The following ITPR2 variants were observed in gnomAD, a reference collection of about 807,000 sequenced individuals.
ITPR2 encodes the protein inositol 1,4,5-trisphosphate receptor type 2.
ITPR2 carries 207 observed loss-of-function variants against 317.1 expected under a neutral mutation model. The ratio of observed to expected loss-of-function variants is 0.65; its 90% confidence interval spans 0.58 to 0.73. ITPR2 has a LOEUF of 0.73. Ranked by LOEUF, ITPR2 falls within the 30% of genes least tolerant of loss-of-function variation. ITPR2 has a pLI of 0.00. For missense variants in ITPR2, 2,613 were observed against 3,284.0 expected (o/e 0.80, Z 4.99); for synonymous variants, 1,156 against 1,149.1 (o/e 1.01, Z -0.12).
intron 15 of ITPR2, among the ~76,000 whole-genome samples, chr12:26,661,188 T>C (rs541705012): frequency 6.7e-6 from 1 of 148,794 alleles, no homozygotes; most frequent in South Asian, 2.1e-4. Flanking sequence ...TCTAACTCTA[T>C]GCTCCAAAGA....
intron 32 of ITPR2, among the ~76,000 whole-genome samples, chr12:26,593,219 T>C (rs535098827): frequency 6.6e-6 from 1 of 152,292 alleles, no homozygotes; most frequent in South Asian, 2.1e-4. Flanking sequence ...ACTTAGGAAT[T>C]TGTTAAAAAT....
chr12:26,660,898 C>T (rs981544132), intron 15 of ITPR2, among the ~76,000 whole-genome samples: 4 of 151,582 alleles, frequency 2.6e-5, no homozygotes, highest in Non-Finnish European at 5.9e-5. Context: ...ATTAGGACTA[C>T]AACATATAGG....
intron 26 of ITPR2, among the ~76,000 whole-genome samples, chr12:26,606,122 C>T (rs528644305): frequency 4.7e-5 from 7 of 149,672 alleles, no homozygotes; most frequent in Non-Finnish European, 7.4e-5. Context: ...ATTCTAATGA[C>T]AAAATATTAG....
In ITPR2 at chr12:26,746,486, T is replaced by A. The variant is rs79291626; in HGVS notation, c.164-20721A>T. ...TAAACTTTCTTTAGCTGCAGCTTGG[T>A]CCTAACTGAGTGTGTCCTGCCTCTT... is the stretch of plus-strand genomic sequence containing the variant. On this transcript the variant is annotated intron_variant, in intron 2 of 56. Transcript: ENST00000381340. Among the ~76,000 whole-genome samples, 951 of 152,324 alleles carry A rather than the reference T, an allele frequency of 6.2e-3. 10 individuals are homozygous for A. The highest frequency in any genetic ancestry group is 0.021 in the African/African-American group (878 of 41,564).
At chr12:26,740,229 G>A (rs142647901) in intron 2 of ITPR2, among the ~76,000 whole-genome samples, 23 of 152,332 alleles carry the variant, frequency 1.5e-4, no homozygotes, top group African/African-American at 5.3e-4. Flanking sequence ...AAGTGAGGAA[G>A]AGACTATTGA....
Position 26,339,465 on chromosome 12 carries a change from T to C in ITPR2, c.8038A>G (p.Asn2680Asp). Residue 2680 changes from asparagine (N) to aspartate (D), a missense_variant, in exon 57 of 57, where the codon AAT becomes GAT. By Grantham distance (23) the Asn-to-Asp change is conservative. This residue lies in a region of ITPR2 where 119 missense variants were observed against 144.3 expected (regional missense o/e 0.82). Transcript: ENST00000381340. ...CCGAGGAAGCCCAGTCTCTGCTTAT[T>C]CTTCCTTTGTTCTGTCATCTGGGGG... is the stretch of plus-strand genomic sequence containing the variant. ...LKEQMTEQRK[N>D]KQRLGFLGSN... The C allele has an allele frequency of 6.2e-7, 1 of 1,613,846 alleles. No homozygotes were observed. Among genetic ancestry groups the C allele is most frequent in the South Asian group, 1.1e-5 (1 of 91,060 alleles).
intron 2 of ITPR2, among the ~76,000 whole-genome samples, chr12:26,766,022 T>C (rs1469173977): frequency 1.3e-5 from 2 of 152,204 alleles, no homozygotes; most frequent in African/African-American, 2.4e-5. Context: ...GGATATATCG[T>C]ATTGTGTTTG....
intron 45 of ITPR2, among the ~76,000 whole-genome samples, chr12:26,453,650 C>A (rs766488795): frequency 6.6e-6 from 1 of 152,178 alleles, no homozygotes; most frequent in Non-Finnish European, 1.5e-5. Context: ...CTGGGTCTCA[C>A]TATTCCCACA....
In ITPR2 at chr12:26,757,495, C is replaced by T. The variant is rs371194885; in HGVS notation, c.164-31730G>A. On this transcript the variant is annotated intron_variant, in intron 2 of 56. Coordinates refer to ENST00000381340, the MANE Select transcript of ITPR2 (RefSeq NM_002223.4). ...CCTCCCAAAGTGCTAGGATTACAGG[C>T]ATGAGCCACCACACCCGGTCTTATT... 6.6e-5 allele frequency among the ~76,000 whole-genome samples: 10 copies of T among 152,274 alleles called. No homozygotes were observed. In the East Asian group the frequency reaches 1.9e-3, roughly 29 times the overall value.
At chr12:26,438,994 G>A in intron 47 of ITPR2, 133 bp downstream of exon 47, 1 of 614,732 alleles carries the variant, frequency 1.6e-6, no homozygotes, top group South Asian at 2.3e-5. Flanking sequence ...TCTTAAGACT[G>A]CAAGTGATTT....
intron 34 of ITPR2, among the ~76,000 whole-genome samples, chr12:26,565,714 G>A (rs932284100): frequency 2.0e-5 from 3 of 151,396 alleles, no homozygotes; most frequent in Admixed American, 6.6e-5. Context: ...GAGTCAGGTG[G>A]ATCACTTGAG....
intron 49 of ITPR2, among the ~76,000 whole-genome samples, chr12:26,424,472 T>A (rs1441449746): frequency 6.6e-6 from 1 of 152,156 alleles, no homozygotes; most frequent in African/African-American, 2.4e-5. Flanking sequence ...AAACTTAAGG[T>A]ACAAGATATG....
chr12:26,506,290 C>T (rs969467192), intron 37 of ITPR2, among the ~76,000 whole-genome samples: 2 of 151,832 alleles, frequency 1.3e-5, no homozygotes, highest in Non-Finnish European at 2.9e-5. Context: ...AGGAGGATCA[C>T]TTGAGCTCAG....
chr12:26,557,084 GA>G (rs1029978986), intron 35 of ITPR2, among the ~76,000 whole-genome samples: 21 of 143,174 alleles, frequency 1.5e-4, no homozygotes, highest in Admixed American at 2.1e-4. Context: ...GTCTCAAATT[GA>G]AAAAAAAAAA....
In ITPR2 at chr12:26,339,055, C is replaced by T. The variant is rs1938014448; in HGVS notation, c.*342G>A. 5.3e-6 allele frequency: 1 copy of T among 189,520 alleles called. No individual in the cohort carries two copies. The allele number at this position is 189,520 out of a possible 1,614,324, so 11.7% of individuals were successfully genotyped here. ...GCTGTAGTCAGCATTTAAGACAAAA[C>T]TGACTCCTATCGATTTAGCAGAAGA... On this transcript the variant is annotated 3_prime_UTR_variant, in exon 57 of 57. Transcript: ENST00000381340.
At chr12:26,486,774 AT>A (rs1942679340) in intron 40 of ITPR2, 2 of 590,432 alleles carry the variant, frequency 3.4e-6, no homozygotes, top group East Asian at 7.6e-5. Flanking sequence ...TTAAAGTTTC[AT>A]TTTCATGGTC....
intron 55 of ITPR2, among the ~76,000 whole-genome samples, chr12:26,381,584 T>G (rs1305854920): frequency 6.6e-6 from 1 of 152,228 alleles, no homozygotes; most frequent in Non-Finnish European, 1.5e-5. Context: ...TTCAAGAAAC[T>G]TATATTTTAG....
chr12:26,467,557 G>C (rs1942198826), intron 45 of ITPR2, among the ~76,000 whole-genome samples: 1 of 152,038 alleles, frequency 6.6e-6, no homozygotes, highest in Admixed American at 6.5e-5. Context: ...TGAATTCAGT[G>C]GATAGTAAAA....
rs535600089 is a variant in ITPR2 at position 26,633,418 on chromosome 12, G to A, written c.2741-1359C>T. 3.9e-5 allele frequency among the ~76,000 whole-genome samples: 6 copies of A among 152,322 alleles called. No individual in the cohort carries two copies. In the South Asian group the frequency reaches 1.2e-3, roughly 32 times the overall value. On this transcript the variant is annotated intron_variant, in intron 21 of 56. Coordinates refer to ENST00000381340, the MANE Select transcript of ITPR2 (RefSeq NM_002223.4). ...AGTAATACATCTTAGAGTACACAAA[G>A]AAGTTACATTTTTCCTAAAGTGGCA...
Sources: gnomAD v4.1 joint callset for allele counts (sites outside exome capture counted in the v4.1 genomes callset) on GRCh38, gnomAD v4.1.1 for gene constraint, gnomAD v4.1.1 regional missense constraint, MANE v1.5 for transcripts, NCBI Gene and HGNC (gene_info 2026-07-23, HGNC 2026-07-21) for gene names.